Variants in CNTNAP5 observed in about 807,000 individuals in gnomAD.
CNTNAP5 encodes the protein contactin associated protein family member 5.
Under a neutral mutation model 150.2 loss-of-function variants are expected in CNTNAP5, and 72 were observed. The observed-to-expected ratio is 0.48, with a 90% confidence interval of 0.40 to 0.58. The LOEUF (loss-of-function observed/expected upper bound fraction) is 0.58, where lower values mean the gene tolerates loss of function less well. CNTNAP5 is among the 20% of genes least tolerant of loss of function. The pLI, the probability that CNTNAP5 is intolerant of heterozygous loss-of-function variation, is 0.00. For missense variants in CNTNAP5, 1,636 were observed against 1,626.2 expected (o/e 1.01, Z -0.10); for synonymous variants, 672 against 619.8 (o/e 1.08, Z -1.25).
chr2:124,690,089 AC>A (rs938637348), intron 13 of CNTNAP5, among the ~76,000 whole-genome samples: 1 of 152,006 alleles, frequency 6.6e-6, no homozygotes, highest in African/African-American at 2.4e-5. Context: ...TGCTTTAAAA[AC>A]CTTATGTTAA....
chr2:124,904,080 C>CAAAAAA (rs1678478530), intron 22 of CNTNAP5, among the ~76,000 whole-genome samples: 1 of 118,298 alleles, frequency 8.5e-6, no homozygotes, highest in Non-Finnish European at 1.9e-5. Context: ...AAAAAAAAAC[C>CAAAAAA]AAAATGTATC....
At chr2:124,698,407 C>CACAT (rs55958089) in intron 13 of CNTNAP5, among the ~76,000 whole-genome samples, 3 of 145,750 alleles carry the variant, frequency 2.1e-5, no homozygotes, top group African/African-American at 7.5e-5. Context: ...CACACACACA[C>CACAT]GTTTGCTTAT....
At chr2:124,158,570 C>T (rs1684601592) in intron 1 of CNTNAP5, among the ~76,000 whole-genome samples, 1 of 152,108 alleles carries the variant, frequency 6.6e-6, no homozygotes, top group East Asian at 1.9e-4. Flanking sequence ...TTGGTTGAAT[C>T]CACGGATATA....
At chr2:124,394,255 C>G (rs1226518112) in intron 3 of CNTNAP5, among the ~76,000 whole-genome samples, 1 of 151,528 alleles carries the variant, frequency 6.6e-6, no homozygotes, top group Non-Finnish European at 1.5e-5. Context: ...AACTGTAATC[C>G]CAGCTACTCA....
In CNTNAP5 at chr2:124,264,432, A is replaced by C. The variant is rs182759825; in HGVS notation, c.381+22039A>C. 6.7e-4 allele frequency among the ~76,000 whole-genome samples: 97 copies of C among 143,986 alleles called. 1 individual carries two copies. Among genetic ancestry groups the C allele is most frequent in the Admixed American group, 5.6e-3 (79 of 14,190 alleles). 94.5% of individuals were successfully genotyped at this position (143,986 alleles called of 152,430 possible). ...CACACACACACACACACACACACAC[A>C]CCAATCGCCATGGCTAATATCAAGA... On this transcript the variant is annotated intron_variant, in intron 3 of 23. Coordinates refer to ENST00000682447, the MANE Select transcript of CNTNAP5 (RefSeq NM_001367498.1).
At chr2:124,321,528 GA>G (rs1338890879) in intron 3 of CNTNAP5, among the ~76,000 whole-genome samples, 1 of 151,974 alleles carries the variant, frequency 6.6e-6, no homozygotes, top group Non-Finnish European at 1.5e-5. Context: ...TAAAAAAGGG[GA>G]AAAGTATAAA....
chr2:124,452,256 C>T (rs1223725199), intron 6 of CNTNAP5, among the ~76,000 whole-genome samples: 1 of 152,030 alleles, frequency 6.6e-6, no homozygotes, highest in Non-Finnish European at 1.5e-5. Flanking sequence ...CTGGGTGAGG[C>T]CTGTGACTGC....
intron 13 of CNTNAP5, among the ~76,000 whole-genome samples, chr2:124,648,270 G>A (rs1046392466): frequency 6.6e-6 from 1 of 152,180 alleles, no homozygotes; most frequent in African/African-American, 2.4e-5. Flanking sequence ...GAGGGCATTT[G>A]AGCTTGACAT....
intron 4 of CNTNAP5, among the ~76,000 whole-genome samples, chr2:124,432,921 A>T (rs759712306): frequency 4.6e-5 from 7 of 152,230 alleles, no homozygotes; most frequent in Non-Finnish European, 1.0e-4. Context: ...TATTGATTTA[A>T]CACAAATAAT....
At chr2:124,108,161 C>A (rs1312663580) in intron 1 of CNTNAP5, among the ~76,000 whole-genome samples, 1 of 152,120 alleles carries the variant, frequency 6.6e-6, no homozygotes, top group Non-Finnish European at 1.5e-5. Context: ...GGTGAAATTG[C>A]ACAAAAGTAT....
chr2:124,558,915 C>G (rs539209766), intron 10 of CNTNAP5, among the ~76,000 whole-genome samples: 1 of 152,338 alleles, frequency 6.6e-6, no homozygotes, highest in African/African-American at 2.4e-5. Flanking sequence ...ATGTCTGTCT[C>G]TAGTCTACCT....
At chr2:124,475,888 G>A (rs1485055086) in intron 7 of CNTNAP5, among the ~76,000 whole-genome samples, 2 of 152,046 alleles carry the variant, frequency 1.3e-5, no homozygotes, top group Non-Finnish European at 2.9e-5. Flanking sequence ...TACATTTAAT[G>A]TAATGAATGT....
intron 18 of CNTNAP5, 60 bp downstream of exon 18, chr2:124,790,201 C>G (rs1416314004): frequency 5.3e-5 from 79 of 1,499,978 alleles, no homozygotes; most frequent in Non-Finnish European, 7.0e-5. Flanking sequence ...ACGCTATGGT[C>G]AGGCCATGTG....
intron 6 of CNTNAP5, among the ~76,000 whole-genome samples, chr2:124,458,435 G>A (rs1042465759): frequency 5.3e-5 from 8 of 151,422 alleles, no homozygotes; most frequent in African/African-American, 7.3e-5. Context: ...ACCAAACATC[G>A]TCTGTTCCTA....
intron 11 of CNTNAP5, among the ~76,000 whole-genome samples, chr2:124,605,103 C>T (rs1697071245): frequency 1.3e-5 from 2 of 152,126 alleles, no homozygotes; most frequent in Admixed American, 6.5e-5. Context: ...CATGTAAACT[C>T]CCCTGCTACA....
At chr2:124,566,486 A>G (rs1015027623) in intron 11 of CNTNAP5, among the ~76,000 whole-genome samples, 8 of 152,196 alleles carry the variant, frequency 5.3e-5, no homozygotes, top group African/African-American at 1.9e-4. Context: ...TTAAAGGAAC[A>G]CTGTCAAGCC....
chr2:124,055,582 A>T (rs1054823182), intron 1 of CNTNAP5, among the ~76,000 whole-genome samples: 2 of 152,186 alleles, frequency 1.3e-5, no homozygotes, highest in African/African-American at 4.8e-5. Context: ...GGGGCTGTCA[A>T]CAGTGGCTGT....
chr2:124,846,446 A>T (rs1394854404), intron 19 of CNTNAP5, among the ~76,000 whole-genome samples: 1 of 151,914 alleles, frequency 6.6e-6, no homozygotes, highest in African/African-American at 2.4e-5. Context: ...TTTACTGTCT[A>T]TTTCACTGAG....
intron 2 of CNTNAP5, among the ~76,000 whole-genome samples, chr2:124,236,946 G>A (rs1350241715): frequency 1.3e-5 from 2 of 152,104 alleles, no homozygotes; most frequent in Non-Finnish European, 2.9e-5. Flanking sequence ...TGGCCAACAT[G>A]ATGAAACCCC....
Sources: gnomAD v4.1 joint callset for allele counts (sites outside exome capture counted in the v4.1 genomes callset) on GRCh38, gnomAD v4.1.1 for gene constraint, MANE v1.5 for transcripts, NCBI Gene and HGNC (gene_info 2026-07-23, HGNC 2026-07-21) for gene names.